The following BRD4 variants were observed in gnomAD, a reference collection of about 807,000 sequenced individuals.
BRD4 encodes the protein bromodomain-containing protein 4.
In BRD4, 16 loss-of-function variants were observed where a neutral mutation model predicts 142.1. That is an observed-to-expected ratio of 0.11 (90% confidence interval 0.08 to 0.17). The LOEUF is 0.17. Among genes scored for constraint, BRD4 ranks in the 10% least tolerant of loss-of-function variants. The pLI is 1.00. For missense variants in BRD4, 1,424 were observed against 1,810.9 expected (o/e 0.79, Z 3.88); for synonymous variants, 833 against 707.5 (o/e 1.18, Z -2.82).
At chr19:15,326,241 T>C (rs1277165281) in intron 1 of BRD4, among the ~76,000 whole-genome samples, 1 of 146,758 alleles carries the variant, frequency 6.8e-6, no homozygotes, top group Non-Finnish European at 1.5e-5. Context: ...GGTAGGCAGA[T>C]CACTTGAGGC....
chr19:15,264,347 T>C (rs2047507353), intron 6 of BRD4, 57 bp downstream of exon 6: 2 of 1,540,352 alleles, frequency 1.3e-6, no homozygotes, highest in African/African-American at 2.7e-5. Flanking sequence ...AGGAAGGTTC[T>C]GATGTGGAGG....
chr19:15,253,604 C>T (rs2145562496), intron 11 of BRD4: 2 of 1,593,182 alleles, frequency 1.3e-6, no homozygotes, highest in Non-Finnish European at 1.7e-6. Context: ...GAGGGGTAGG[C>T]AATGGCTGGG....
chr19:15,328,888 C>A (rs1047751370), intron 1 of BRD4, among the ~76,000 whole-genome samples: 1 of 152,198 alleles, frequency 6.6e-6, no homozygotes, highest in African/African-American at 2.4e-5. Context: ...ATTCTCCTGC[C>A]TCAGCCTCCC....
chr19:15,279,264 GAAAC>G (rs1486498431), intron 1 of BRD4, among the ~76,000 whole-genome samples: 1 of 152,176 alleles, frequency 6.6e-6, no homozygotes, highest in Non-Finnish European at 1.5e-5. Flanking sequence ...CTCTGAACAG[GAAAC>G]AAACTGTTTC....
intron 1 of BRD4, among the ~76,000 whole-genome samples, chr19:15,310,512 C>G (rs2047960653): frequency 6.6e-6 from 1 of 151,856 alleles, no homozygotes; most frequent in South Asian, 2.1e-4. Context: ...AGGTGCCCAC[C>G]ACCACGCCTG....
chr19:15,286,902 A>G (rs1264523736), intron 1 of BRD4, among the ~76,000 whole-genome samples: 3 of 152,210 alleles, frequency 2.0e-5, no homozygotes, highest in African/African-American at 7.2e-5. Flanking sequence ...GTGAAAATCT[A>G]AGAGGTTTCA....
chr19:15,242,439 G>A (rs543487985), intron 14 of BRD4, among the ~76,000 whole-genome samples: 13 of 152,268 alleles, frequency 8.5e-5, no homozygotes, highest in African/African-American at 2.6e-4. Flanking sequence ...GGTCCTGGGC[G>A]GGCTCTGAGC....
Position 15,244,278 on chromosome 19 carries a change from T to C in BRD4, c.2534A>G (p.His845Arg), listed in dbSNP as rs2047264668. The C allele has an allele frequency of 6.3e-7, 1 of 1,589,886 alleles. No individual in the cohort carries two copies. The highest frequency in any genetic ancestry group is 8.5e-7 in the Non-Finnish European group (1 of 1,170,484). Reference sequence around the variant, plus strand: ...CTGGTTGAGATGGGGTGGAGTGCTGTGCTCAGGCGGCTGGGGCAGGTGAGG... The same window carrying C: ...CTGGTTGAGATGGGGTGGAGTGCTGCGCTCAGGCGGCTGGGGCAGGTGAGG... ...LPPHLPQPPE[H>R]STPPHLNQHA... The change falls in exon 13 of 20, where the codon CAC becomes CGC. Residue 845 changes from histidine to arginine, a missense_variant. This residue lies in a region of BRD4 where 598 missense variants were observed against 647.8 expected (regional missense o/e 0.92). Coordinates refer to ENST00000679869, the MANE Select transcript of BRD4 (RefSeq NM_001379291.1).
intron 3 of BRD4, 118 bp from the exon 4 acceptor site, chr19:15,267,669 C>T: frequency 5.7e-6 from 7 of 1,225,282 alleles, no homozygotes; most frequent in Non-Finnish European, 7.9e-6. Flanking sequence ...TATTCCGGGT[C>T]CTTCCCCGAT....
At chr19:15,309,668 G>A (rs541967458) in intron 1 of BRD4, among the ~76,000 whole-genome samples, 2 of 152,296 alleles carry the variant, frequency 1.3e-5, no homozygotes, top group South Asian at 2.1e-4. Flanking sequence ...AAATATCCAT[G>A]AACTGATGAA....
intron 1 of BRD4, among the ~76,000 whole-genome samples, chr19:15,293,658 T>C (rs773646369): frequency 5.3e-5 from 8 of 152,314 alleles, no homozygotes; most frequent in Middle Eastern, 3.4e-3. Context: ...TATTGTAAAA[T>C]ACACAGAACC....
intron 11 of BRD4, chr19:15,249,125 C>G: frequency 7.6e-7 from 1 of 1,310,050 alleles, no homozygotes; most frequent in Admixed American, 2.1e-5. Flanking sequence ...CTGGACATGA[C>G]TAATCCACCC....
intron 7 of BRD4, among the ~76,000 whole-genome samples, chr19:15,262,130 G>A (rs947940824): frequency 1.3e-5 from 2 of 152,142 alleles, no homozygotes; most frequent in African/African-American, 4.8e-5. Context: ...TGCTATGCTG[G>A]GGAGTCTAGG....
At chr19:15,287,602 T>C (rs1305017879) in intron 1 of BRD4, among the ~76,000 whole-genome samples, 8 of 151,824 alleles carry the variant, frequency 5.3e-5, no homozygotes, top group Admixed American at 5.2e-4. Context: ...CACTAAACAC[T>C]AACTCCCAAT....
chr19:15,300,147 A>G (rs1414549513), intron 1 of BRD4, among the ~76,000 whole-genome samples: 3 of 152,132 alleles, frequency 2.0e-5, no homozygotes, highest in African/African-American at 7.2e-5. Flanking sequence ...CTGGTGGCTG[A>G]GGAGGGAGGA....
At chr19:15,261,237 A>T (rs2047467696) in intron 7 of BRD4, among the ~76,000 whole-genome samples, 1 of 152,208 alleles carries the variant, frequency 6.6e-6, no homozygotes, top group Non-Finnish European at 1.5e-5. Flanking sequence ...CTGTAATTCC[A>T]GCACTTTGGG....
At position 15,249,602 on chromosome 19, in the gene BRD4, C is replaced by T. The variant is rs751403324; in HGVS notation, c.2158+4550G>A. 2.6e-4 allele frequency among the ~76,000 whole-genome samples: 40 copies of T among 152,312 alleles called. 1 individual carries two copies. The highest frequency in any genetic ancestry group is 5.0e-4 in the Non-Finnish European group (34 of 68,026). ...AAGCTCCACGTGTGCCCTGCCTGAG[C>T]GCACGCCGGCATTTCCTTTACTGCC... On this transcript the variant is annotated intron_variant, in intron 11 of 19. Transcript: ENST00000679869.
chr19:15,311,664 T>C (rs1395476643), intron 1 of BRD4, among the ~76,000 whole-genome samples: 1 of 148,456 alleles, frequency 6.7e-6, no homozygotes, highest in Non-Finnish European at 1.5e-5. Flanking sequence ...TAGCCAGGCA[T>C]GGTGGCGGGT....
chr19:15,257,237 G>A (rs2047421153), intron 7 of BRD4, 64 bp from the exon 8 acceptor site: 1 of 1,436,910 alleles, frequency 7.0e-7, no homozygotes, highest in Non-Finnish European at 9.4e-7. Flanking sequence ...AGCATCACCT[G>A]CCCTCATTGG....
Sources: gnomAD v4.1 joint callset for allele counts (sites outside exome capture counted in the v4.1 genomes callset) on GRCh38, gnomAD v4.1.1 for gene constraint, gnomAD v4.1.1 regional missense constraint, MANE v1.5 for transcripts, NCBI Gene and HGNC (gene_info 2026-07-23, HGNC 2026-07-21) for gene names.